CPNE4: variants seen among roughly 807,000 people sequenced by gnomAD.
The protein encoded by CPNE4 is copine 4, also known as copine-4.
A neutral mutation model predicts 67.9 loss-of-function variants in CPNE4; 25 were observed. That is an observed-to-expected ratio of 0.37 (90% CI 0.27 to 0.51). CPNE4 has a LOEUF of 0.51. Among genes scored for constraint, CPNE4 ranks in the 20% least tolerant of loss-of-function variants. CPNE4 has a pLI of 0.93. For synonymous variants in CPNE4, 242 were observed against 244.9 expected (o/e 0.99, Z 0.11); for missense variants, 464 against 690.8 (o/e 0.67, Z 3.68).
At chr3:131,826,306 C>T (rs2085157206) in intron 2 of CPNE4, among the ~76,000 whole-genome samples, 1 of 152,126 alleles carries the variant, frequency 6.6e-6, no homozygotes, top group African/African-American at 2.4e-5. Context: ...AGCAATCCAC[C>T]TCAGCCTCCT....
At chr3:131,544,708 G>A (rs1305194202) in intron 14 of CPNE4, among the ~76,000 whole-genome samples, 1 of 152,102 alleles carries the variant, frequency 6.6e-6, no homozygotes, top group African/African-American at 2.4e-5. Context: ...GGGGATGGAG[G>A]GAAGGAGTAT....
intron 2 of CPNE4, among the ~76,000 whole-genome samples, chr3:131,787,971 GATTA>G (rs2083611757): frequency 6.6e-6 from 1 of 152,032 alleles, no homozygotes; most frequent in Non-Finnish European, 1.5e-5. Context: ...GAGAGAAAAA[GATTA>G]ATTAGCACTT....
intron 7 of CPNE4, among the ~76,000 whole-genome samples, chr3:131,608,197 C>A (rs138657919): frequency 6.6e-6 from 1 of 151,912 alleles, no homozygotes; most frequent in Non-Finnish European, 1.5e-5. Context: ...GGCAAGACAC[C>A]GGTAATATGG....
chr3:131,677,984 T>C (rs900057981), intron 6 of CPNE4, among the ~76,000 whole-genome samples: 1 of 152,190 alleles, frequency 6.6e-6, no homozygotes, highest in African/African-American at 2.4e-5. Flanking sequence ...CAGTGGTAGA[T>C]TAATAGGAAT....
At position 131,912,475 on chromosome 3, in the gene CPNE4, T is replaced by A. The variant is rs117500511; in HGVS notation, c.-1-7031A>T. 7.6e-3 allele frequency among the ~76,000 whole-genome samples: 1,155 copies of A among 152,198 alleles called. 15 individuals carry two copies. The highest frequency in any genetic ancestry group is 0.059 in the South Asian group (283 of 4,816). On this transcript the variant is annotated intron_variant, in intron 1 of 15. Coordinates refer to ENST00000429747, the MANE Select transcript of CPNE4 (RefSeq NM_130808.3). ...GTACATCCAGGGAAGGCTAGGGTGC[T>A]GGATGTCTCTATCTCACAACATTTC...
chr3:131,922,132 C>T (rs2070753559), intron 1 of CPNE4, among the ~76,000 whole-genome samples: 1 of 152,084 alleles, frequency 6.6e-6, no homozygotes, highest in African/African-American at 2.4e-5. Context: ...TACATGAGTA[C>T]CCAGTGTTTA....
intron 5 of CPNE4, among the ~76,000 whole-genome samples, chr3:131,693,921 G>A (rs965435311): frequency 6.6e-6 from 1 of 152,088 alleles, no homozygotes; most frequent in African/African-American, 2.4e-5. Context: ...TTTTTTGTGA[G>A]TGTGTGCCTG....
At chr3:131,665,603 G>A (rs1405814718) in intron 7 of CPNE4, among the ~76,000 whole-genome samples, 2 of 151,844 alleles carry the variant, frequency 1.3e-5, no homozygotes, top group East Asian at 3.9e-4. Context: ...AGGTTGTAGT[G>A]AGCCTAGATT....
chr3:131,568,848 C>T (rs1168419623), intron 10 of CPNE4, among the ~76,000 whole-genome samples: 1 of 151,986 alleles, frequency 6.6e-6, no homozygotes, highest in East Asian at 1.9e-4. Context: ...TGAACCTTCT[C>T]GACGTTTTCT....
chr3:131,705,785 T>A (rs573024136), intron 3 of CPNE4, among the ~76,000 whole-genome samples: 51 of 152,322 alleles, frequency 3.3e-4, no homozygotes, highest in African/African-American at 1.2e-3. Context: ...TTTTACCCTG[T>A]CTCTGACTTC....
At chr3:131,918,915 A>G (rs2070660480) in intron 1 of CPNE4, among the ~76,000 whole-genome samples, 1 of 152,210 alleles carries the variant, frequency 6.6e-6, no homozygotes, top group Non-Finnish European at 1.5e-5. Flanking sequence ...GCTAAAGAAT[A>G]ACAGGTAGAG....
chr3:131,876,129 C>T (rs1370762061), intron 2 of CPNE4, among the ~76,000 whole-genome samples: 2 of 151,768 alleles, frequency 1.3e-5, no homozygotes, highest in East Asian at 1.9e-4. Context: ...GTCCCAGCTA[C>T]TCAGAAGACT....
At chr3:131,884,267 C>T (rs1381075) in intron 2 of CPNE4, among the ~76,000 whole-genome samples, 98,705 of 152,030 alleles carry the variant, frequency 0.65, 32,290 homozygotes, top group Admixed American at 0.74. Flanking sequence ...AGGTAAATCA[C>T]GGTTCATCTA....
intron 2 of CPNE4, among the ~76,000 whole-genome samples, chr3:131,753,478 C>T (rs942777781): frequency 5.9e-5 from 9 of 151,840 alleles, no homozygotes; most frequent in Non-Finnish European, 4.4e-5. Context: ...TAATGAAAGT[C>T]GACAGACAAA....
At chr3:131,958,530 A>G (rs1034530567) in intron 1 of CPNE4, among the ~76,000 whole-genome samples, 10 of 151,818 alleles carry the variant, frequency 6.6e-5, no homozygotes, top group Admixed American at 3.3e-4. Context: ...CTTTTAAATC[A>G]GAGACCTGGA....
Position 131,972,522 on chromosome 3 carries a change from C to T in CPNE4, c.-2+62045G>A, listed in dbSNP as rs560103662. 9.9e-5 allele frequency among the ~76,000 whole-genome samples: 15 copies of T among 152,272 alleles called. No homozygotes were observed. In the East Asian group the frequency reaches 2.3e-3, roughly 23 times the overall value. On this transcript the variant is annotated intron_variant, in intron 1 of 15. Transcript: ENST00000429747. Reference sequence around the variant, plus strand: ...GGAATTTCAAAAGAAAAACATCGGGCCCCCAAGGAAGCTGCTGCTCTCATG... The same window carrying T: ...GGAATTTCAAAAGAAAAACATCGGGTCCCCAAGGAAGCTGCTGCTCTCATG...
intron 1 of CPNE4, among the ~76,000 whole-genome samples, chr3:132,004,183 A>C (rs2073528282): frequency 1.3e-5 from 2 of 152,164 alleles, no homozygotes; most frequent in Non-Finnish European, 2.9e-5. Flanking sequence ...TACAAAAAAA[A>C]ATAGATACTT....
At chr3:131,990,522 C>A (rs1390194320) in intron 1 of CPNE4, among the ~76,000 whole-genome samples, 1 of 135,552 alleles carries the variant, frequency 7.4e-6, no homozygotes, top group Non-Finnish European at 1.7e-5. Flanking sequence ...TGAAGCATTT[C>A]AAGTACATAT....
At chr3:131,724,980 G>A (rs1236803285) in intron 2 of CPNE4, among the ~76,000 whole-genome samples, 2 of 152,004 alleles carry the variant, frequency 1.3e-5, no homozygotes, top group Non-Finnish European at 2.9e-5. Context: ...TAGCATCCCT[G>A]TACTAGAGAT....
Sources: gnomAD v4.1 joint callset for allele counts (sites outside exome capture counted in the v4.1 genomes callset) on GRCh38, gnomAD v4.1.1 for gene constraint, MANE v1.5 for transcripts, NCBI Gene and HGNC (gene_info 2026-07-23, HGNC 2026-07-21) for gene names.